Variants in ESF1 observed in about 807,000 individuals in gnomAD.
ESF1 encodes the protein ESF1 homolog.
A neutral mutation model predicts 92.0 loss-of-function variants in ESF1; 58 were observed. The ratio of observed to expected loss-of-function variants is 0.63; its 90% confidence interval spans 0.51 to 0.78. The LOEUF (loss-of-function observed/expected upper bound fraction) is 0.78. Ranked by LOEUF, ESF1 falls within the 30% of genes least tolerant of loss-of-function variation. ESF1 has a pLI of 0.00. For missense variants in ESF1, 922 were observed against 989.1 expected (o/e 0.93, Z 0.91); for synonymous variants, 321 against 313.7 (o/e 1.02, Z -0.24).
intron 8 of ESF1, among the ~76,000 whole-genome samples, chr20:13,760,408 C>T (rs1407698146): frequency 6.7e-5 from 10 of 150,084 alleles, no homozygotes; most frequent in African/African-American, 2.0e-4. Context: ...TGCCCTGCCG[C>T]CCCGTCTGGG....
Position 13,714,758 on chromosome 20 carries a change from A to G in ESF1, c.*116T>C, listed in dbSNP as rs771949479. On this transcript the variant is annotated 3_prime_UTR_variant, in exon 14 of 14. Coordinates refer to ENST00000617257, the MANE Select transcript of ESF1 (RefSeq NM_001276380.2). Reference sequence around the variant, plus strand: ...GGAGAAAAATTTTACTATGTCCAGAAAAAGATTTTATTCATGTTCTTGAAA... The same window carrying G: ...GGAGAAAAATTTTACTATGTCCAGAGAAAGATTTTATTCATGTTCTTGAAA... 1.8e-4 allele frequency: 186 copies of G among 1,011,630 alleles called. No homozygotes were observed. The highest frequency in any genetic ancestry group is 2.5e-4 in the Non-Finnish European group (179 of 721,574). The allele number at this position is 1,011,630 out of a possible 1,614,324, so 62.7% of individuals were successfully genotyped here.
At chr20:13,781,526 T>C (rs375712718) in intron 2 of ESF1, among the ~76,000 whole-genome samples, 2 of 152,258 alleles carry the variant, frequency 1.3e-5, no homozygotes, top group African/African-American at 4.8e-5. Flanking sequence ...ACAGGGGCAT[T>C]TATAAAAGGA....
chr20:13,718,371 T>C (rs1183681319), intron 12 of ESF1, among the ~76,000 whole-genome samples: 1 of 152,198 alleles, frequency 6.6e-6, no homozygotes, highest in African/African-American at 2.4e-5. Context: ...CTCAGCAAAA[T>C]CACATATGAC....
chr20:13,733,828 C>T lies in ESF1; in HGVS notation c.1843G>A (p.Ala615Thr), dbSNP rs1393848827. The T allele has an allele frequency of 1.2e-6, 2 of 1,609,362 alleles. No homozygotes were observed. The highest frequency in any genetic ancestry group is 1.7e-5 in the Admixed American group (1 of 59,450). The change falls in exon 10 of 14, where the codon GCA becomes ACA. Residue 615 changes from alanine to threonine, a missense_variant. Transcript: ENST00000617257. ...IKWVPGLKES[A>T]EEMVKNKLEG... ...AATTTGTTTTTGACCATCTCTTCTG[C>T]ACTTTCTTTAAGACCTGAGGAAAAA...
At chr20:13,722,786 C>T (rs1207246191) in intron 11 of ESF1, among the ~76,000 whole-genome samples, 7 of 150,954 alleles carry the variant, frequency 4.6e-5, no homozygotes, top group South Asian at 4.2e-4. Flanking sequence ...CAGGAGAGTT[C>T]GAGGCTGCAG....
chr20:13,782,713 G>A lies in ESF1; in HGVS notation c.428C>T (p.Ser143Leu), dbSNP rs1394543326. 2.5e-6 allele frequency: 4 copies of A among 1,585,606 alleles called. No homozygotes were observed. The highest frequency in any genetic ancestry group is 3.4e-6 in the Non-Finnish European group (4 of 1,171,362). Residue 143 changes from serine to leucine, a missense_variant, in exon 2 of 14, where the codon TCA (serine) becomes TTA (leucine). Physicochemically the swap from Ser to Leu is moderately radical, Grantham distance 145. Transcript: ENST00000617257. The part of the protein sequence containing the change: ...NSIGIKKMKT[S>L]CKFKIDSNIS... The stretch of plus-strand genomic sequence containing the variant: ...GTTTGAATCTATCTTAAATTTACAT[G>A]AGGTTTTCATTTTTTTAATTCCTAT...
At position 13,748,479 on chromosome 20, in the gene ESF1, CATATACACATATATATACAT is replaced by C. The variant is rs1325294455; in HGVS notation, c.1828+11193_1828+11212del. 2.5e-4 allele frequency among the ~76,000 whole-genome samples: 22 copies of C among 87,748 alleles called. No homozygotes were observed. The South Asian group carries it at 2.6e-3, about 10-fold the overall frequency. The allele number at this position is 87,748 out of a possible 152,430, so 57.6% of individuals were successfully genotyped here. A position where few individuals can be genotyped will look rare whatever the true frequency, so the allele number is the denominator to read the frequency against. On this transcript the variant is annotated intron_variant, in intron 9 of 13. Transcript: ENST00000617257. ...ATATACATATATACACATATATACA[CATATACACATATATATACAT>C]ATATACACATATATATACACATATA... is the stretch of plus-strand genomic sequence containing the variant.
chr20:13,745,347 T>C (rs915415270), intron 9 of ESF1, among the ~76,000 whole-genome samples: 2 of 152,202 alleles, frequency 1.3e-5, no homozygotes, highest in Non-Finnish European at 2.9e-5. Context: ...ATAGAACAGA[T>C]ACATTGTGAT....
rs151055137 is a variant in ESF1 at position 13,775,952 on chromosome 20, G to C, written c.956C>G (p.Thr319Arg). The change falls in exon 3 of 14, where the codon ACG becomes AGG. Residue 319 changes from threonine to arginine, a missense_variant. Physicochemically the swap from Thr to Arg is moderately conservative, Grantham distance 71. Transcript: ENST00000617257. Reference protein sequence around the residue: ...IETSSEDEDDTADLFPEESGF... With the variant: ...IETSSEDEDDRADLFPEESGF... ...AGATTCTTCTGGAAACAAATCTGCC[G>C]TATCATCTTCATCTTCAGAACTAGT... 1 of 1,613,660 alleles carries C rather than the reference G, an allele frequency of 6.2e-7. No homozygotes were observed.
In ESF1 at chr20:13,775,147, C is replaced by A. The variant is rs1438271693; in HGVS notation, c.1149+10G>T. On this transcript the variant is annotated intron_variant, in intron 4 of 13. Coordinates refer to ENST00000617257, the MANE Select transcript of ESF1 (RefSeq NM_001276380.2). ...AGAAATATTTATTTCAAAATGAAAT[C>A]AATTCTCACCTTGACGGAAAATATT... 29 of 1,449,124 alleles carry A rather than the reference C, an allele frequency of 2.0e-5. No individual in the cohort carries two copies. Among genetic ancestry groups the A allele is most frequent in the South Asian group, 2.5e-5 (2 of 78,642 alleles). The allele number at this position is 1,449,124 out of a possible 1,614,324, so 89.8% of individuals were successfully genotyped here. A position where few individuals can be genotyped will look rare whatever the true frequency, so the allele number is the denominator to read the frequency against.
intron 13 of ESF1, among the ~76,000 whole-genome samples, chr20:13,716,330 A>C (rs2049824514): frequency 6.6e-6 from 1 of 152,156 alleles, no homozygotes; most frequent in South Asian, 2.1e-4. Flanking sequence ...GGAAACAAAA[A>C]ACACAGCAAC....
chr20:13,784,845 C>G lies in ESF1; in HGVS notation c.-44+35G>C, dbSNP rs113165016. The G allele has an allele frequency of 2.3e-3, 1,335 of 588,874 alleles. 15 individuals carry two copies. Among genetic ancestry groups the G allele is most frequent in the African/African-American group, 0.019 (1,041 of 53,694 alleles). 36.5% of individuals were successfully genotyped at this position (588,874 alleles called of 1,614,324 possible). On this transcript the variant is annotated intron_variant, in intron 1 of 13. Coordinates refer to ENST00000617257, the MANE Select transcript of ESF1 (RefSeq NM_001276380.2). ...ACACACACGCCCTCAAGCCCTTCAT[C>G]TCGAGCTCTTCAACTCCAGTCCATC... is the stretch of plus-strand genomic sequence containing the variant.
intron 13 of ESF1, among the ~76,000 whole-genome samples, chr20:13,716,642 CTTTTTTTT>C: frequency 7.5e-6 from 1 of 132,900 alleles, no homozygotes; most frequent in South Asian, 2.5e-4. Context: ...CTTTTTTTTT[CTTTTTTTT>C]TTTTTTTTGA....
At chr20:13,778,665 A>G (rs1024956260) in intron 2 of ESF1, among the ~76,000 whole-genome samples, 2 of 152,154 alleles carry the variant, frequency 1.3e-5, no homozygotes, top group Admixed American at 6.5e-5. Flanking sequence ...GTTATATAAT[A>G]ATAAAGTGTT....
At chr20:13,730,718 T>TTA (rs2049937235) in intron 10 of ESF1, among the ~76,000 whole-genome samples, 1 of 151,712 alleles carries the variant, frequency 6.6e-6, no homozygotes, top group Non-Finnish European at 1.5e-5. Context: ...TTTTTTTTTT[T>TTA]ACCAAACTAT....
At chr20:13,741,904 C>G (rs1244936639) in intron 9 of ESF1, among the ~76,000 whole-genome samples, 1 of 152,008 alleles carries the variant, frequency 6.6e-6, no homozygotes, top group East Asian at 1.9e-4. Flanking sequence ...TAAAGAGCTG[C>G]TAAAAGCCAA....
intron 9 of ESF1, among the ~76,000 whole-genome samples, chr20:13,752,281 A>C (rs947135475): frequency 6.6e-6 from 1 of 152,222 alleles, no homozygotes; most frequent in Non-Finnish European, 1.5e-5. Flanking sequence ...GCTCACGCTT[A>C]GGTTTTAAAA....
At chr20:13,749,793 C>T (rs1188528184) in intron 9 of ESF1, among the ~76,000 whole-genome samples, 1 of 151,824 alleles carries the variant, frequency 6.6e-6, no homozygotes, top group East Asian at 2.0e-4. Context: ...TCTCTAACTT[C>T]TGACCTCAGG....
At chr20:13,763,610 A>C (rs1979303586) in intron 8 of ESF1, among the ~76,000 whole-genome samples, 1 of 152,260 alleles carries the variant, frequency 6.6e-6, no homozygotes, top group African/African-American at 2.4e-5. Context: ...AATACTGATA[A>C]ATCATTACGT....
Sources: allele counts gnomAD v4.1 joint callset (sites outside exome capture counted in the v4.1 genomes callset), GRCh38; gene constraint gnomAD v4.1.1; transcripts MANE v1.5; gene names NCBI Gene and HGNC (gene_info 2026-07-23, HGNC 2026-07-21).